CCDC73: variants seen among roughly 807,000 people sequenced by gnomAD.
CCDC73 encodes the protein coiled-coil domain-containing protein 73.
CCDC73 carries 95 observed loss-of-function variants against 116.5 expected under a neutral mutation model. The ratio of observed to expected loss-of-function variants is 0.82; its 90% confidence interval spans 0.69 to 0.97. The LOEUF (loss-of-function observed/expected upper bound fraction) is 0.97. Ranked by LOEUF, CCDC73 falls within the 50% of genes least tolerant of loss-of-function variation. CCDC73 has a pLI of 0.00. For synonymous variants in CCDC73, 398 were observed against 401.3 expected, an observed-to-expected ratio of 0.99 and a Z score of 0.10; for missense variants, 1,066 against 1,206.8, an observed-to-expected ratio of 0.88 and a Z score of 1.73.
chr11:32,607,777 G>A (rs144754618), intron 17 of CCDC73, among the ~76,000 whole-genome samples: 111 of 151,228 alleles, frequency 7.3e-4, no homozygotes, highest in African/African-American at 2.4e-3. Flanking sequence ...GTATTAGTCC[G>A]TTCTCACGCC....
At chr11:32,622,495 A>T (rs1034106150) in intron 14 of CCDC73, among the ~76,000 whole-genome samples, 1 of 151,944 alleles carries the variant, frequency 6.6e-6, no homozygotes, top group Non-Finnish European at 1.5e-5. Context: ...AACAACACAC[A>T]CTGGGGCCTG....
chr11:32,784,784 CAT>C (rs1209358044), intron 1 of CCDC73, among the ~76,000 whole-genome samples: 1 of 152,144 alleles, frequency 6.6e-6, no homozygotes, highest in East Asian at 1.9e-4. Context: ...GTGTAAATAA[CAT>C]ATAATGGAGG....
chr11:32,627,376 T>C (rs1855585635), intron 14 of CCDC73, among the ~76,000 whole-genome samples: 1 of 152,246 alleles, frequency 6.6e-6, no homozygotes, highest in South Asian at 2.1e-4. Flanking sequence ...TTGGTGGGAC[T>C]GTAAACTAGT....
chr11:32,623,337 G>T (rs766613765), intron 14 of CCDC73, among the ~76,000 whole-genome samples: 6 of 152,034 alleles, frequency 3.9e-5, no homozygotes, highest in Non-Finnish European at 8.8e-5. Flanking sequence ...GAGGGGCAAA[G>T]CCAGACTGCC....
At chr11:32,666,565 CT>C (rs1855983680) in intron 9 of CCDC73, among the ~76,000 whole-genome samples, 1 of 152,124 alleles carries the variant, frequency 6.6e-6, no homozygotes, top group Non-Finnish European at 1.5e-5. Context: ...TTCATCTCAT[CT>C]TTTTTCAAGG....
intron 12 of CCDC73, 42 bp downstream of exon 12, chr11:32,653,081 A>G (rs172101): frequency 0.42 from 495,094 of 1,182,060 alleles, 107,645 homozygotes; most frequent in African/African-American, 0.48. Flanking sequence ...AATATACTAA[A>G]ACACAGATAG....
At chr11:32,785,188 G>C (rs1001922254) in intron 1 of CCDC73, among the ~76,000 whole-genome samples, 3 of 152,018 alleles carry the variant, frequency 2.0e-5, no homozygotes, top group Non-Finnish European at 4.4e-5. Context: ...GAACAGAACA[G>C]TGTAGATTAA....
At chr11:32,694,425 A>G (rs1856290380) in intron 6 of CCDC73, among the ~76,000 whole-genome samples, 1 of 152,184 alleles carries the variant, frequency 6.6e-6, no homozygotes, top group South Asian at 2.1e-4. Flanking sequence ...GAGGACACAA[A>G]CAAATGGAAG....
At chr11:32,646,654 C>A (rs1346066673) in intron 12 of CCDC73, among the ~76,000 whole-genome samples, 1 of 152,054 alleles carries the variant, frequency 6.6e-6, no homozygotes, top group Non-Finnish European at 1.5e-5. Context: ...AGAATCTTTT[C>A]TTTATGTGTT....
intron 14 of CCDC73, among the ~76,000 whole-genome samples, chr11:32,633,099 G>C (rs1044606052): frequency 2.0e-5 from 3 of 152,162 alleles, no homozygotes; most frequent in Non-Finnish European, 4.4e-5. Flanking sequence ...CTGTTGCCAG[G>C]CTGGAGTGCA....
chr11:32,655,316 AT>A lies in CCDC73; in HGVS notation c.646-345del, dbSNP rs544522939. Among the ~76,000 whole-genome samples the A allele has an allele frequency of 2.0e-3, 312 of 152,360 alleles. 1 individual carries two copies. The highest frequency in any genetic ancestry group is 1.5e-3 in the Non-Finnish European group (103 of 68,038). On this transcript the variant is annotated intron_variant, in intron 9 of 17. Coordinates refer to ENST00000335185, the MANE Select transcript of CCDC73 (RefSeq NM_001008391.4). ...CAAGGAAATCTCAATTCCCAAATTT[AT>A]TAGCCTCTAATAGGAAAAATTATGT... is the stretch of plus-strand genomic sequence containing the variant.
At chr11:32,674,443 T>C (rs1276972734) in intron 9 of CCDC73, among the ~76,000 whole-genome samples, 2 of 152,170 alleles carry the variant, frequency 1.3e-5, no homozygotes, top group Non-Finnish European at 2.9e-5. Context: ...TGGAATATTT[T>C]TAGTTGCAAA....
At chr11:32,781,205 T>G (rs2133396616) in intron 1 of CCDC73, among the ~76,000 whole-genome samples, 1 of 152,304 alleles carries the variant, frequency 6.6e-6, no homozygotes, top group South Asian at 2.1e-4. Flanking sequence ...ACATCAATAA[T>G]AATAAAAACA....
rs796271323 is a variant in CCDC73, at chr11:32,727,961, A to AT, written c.136-9815dup. 2.2e-4 allele frequency among the ~76,000 whole-genome samples: 33 copies of AT among 151,758 alleles called. 1 individual carries two copies. The highest frequency in any genetic ancestry group is 7.2e-4 in the African/African-American group (30 of 41,392). The stretch of plus-strand genomic sequence containing the variant: ...AATAGCTGAAATTCTTTTGTAAAAT[A>AT]TTTTTCCCAGCTGAGTGTGGTGGCT... On this transcript the variant is annotated intron_variant, in intron 2 of 17. Transcript: ENST00000335185.
chr11:32,629,637 A>G (rs1374621938), intron 14 of CCDC73, among the ~76,000 whole-genome samples: 1 of 152,056 alleles, frequency 6.6e-6, no homozygotes, highest in Non-Finnish European at 1.5e-5. Flanking sequence ...TGACCTCATG[A>G]TCTGCCCGCC....
At chr11:32,630,401 G>GT (rs34859259) in intron 14 of CCDC73, among the ~76,000 whole-genome samples, 65,854 of 151,912 alleles carry the variant, frequency 0.43, 14,699 homozygotes, top group African/African-American at 0.49. Flanking sequence ...CTGGAGTGCA[G>GT]TGGTGGATCT....
At chr11:32,803,449 C>G in the CCDC73 span, among the ~76,000 whole-genome samples, 1 of 152,228 alleles carries the variant, frequency 6.6e-6, no homozygotes. Context: ...ATGTACTAAA[C>G]AGCATGCACC....
the CCDC73 span, among the ~76,000 whole-genome samples, chr11:32,824,666 G>A: frequency 6.6e-6 from 1 of 152,166 alleles, no homozygotes; most frequent in African/African-American, 2.4e-5. Flanking sequence ...TTGCTCCTTG[G>A]CTCTCAAGGG....
At chr11:32,732,768 G>T (rs1339932701) in intron 2 of CCDC73, among the ~76,000 whole-genome samples, 1 of 152,180 alleles carries the variant, frequency 6.6e-6, no homozygotes, top group African/African-American at 2.4e-5. Context: ...CCTGAAGGAA[G>T]CACTAAACAT....
Sources: allele counts gnomAD v4.1 joint callset (sites outside exome capture counted in the v4.1 genomes callset), GRCh38; gene constraint gnomAD v4.1.1; transcripts MANE v1.5; gene names NCBI Gene and HGNC (gene_info 2026-07-23, HGNC 2026-07-21).